TACC1: variants seen among roughly 807,000 people sequenced by gnomAD.
The protein encoded by TACC1 is transforming acidic coiled-coil containing protein 1, also known as transforming acidic coiled-coil-containing protein 1.
In TACC1, 48 loss-of-function variants were observed where a neutral mutation model predicts 84.4. The ratio of observed to expected loss-of-function variants is 0.57; its 90% CI spans 0.45 to 0.72. The LOEUF is 0.72. Ranked by LOEUF, TACC1 falls within the 30% of genes least tolerant of loss-of-function variation. The probability of loss-of-function intolerance (pLI) is 0.00; values close to 1 mark genes in which losing one functional copy is unlikely to be tolerated. For synonymous variants in TACC1, 372 were observed against 376.3 expected (o/e 0.99, Z 0.13); for missense variants, 920 against 973.0 (o/e 0.95, Z 0.72).
chr8:38,748,893 AAG>A (rs149145612), intron 3 of TACC1, among the ~76,000 whole-genome samples: 1,745 of 152,236 alleles, frequency 0.011, 31 homozygotes, highest in African/African-American at 0.04. Flanking sequence ...ATAGAAAAAA[AAG>A]AGTAAATTGA....
upstream of TACC1, among the ~76,000 whole-genome samples, chr8:38,783,646 C>T (rs951565007): frequency 6.6e-6 from 1 of 152,158 alleles, no homozygotes; most frequent in Non-Finnish European, 1.5e-5. Context: ...GTCTCATACT[C>T]CTGACCTTAA....
In TACC1 at chr8:38,852,845, A is replaced by T. The variant is rs1375440936; in HGVS notation, c.*4822A>T. 1 of 152,666 alleles carries T rather than the reference A, an allele frequency of 6.6e-6. No homozygotes were observed. Among genetic ancestry groups the T allele is most frequent in the Non-Finnish European group, 1.5e-5 (1 of 68,048 alleles). The allele number at this position is 152,666 out of a possible 1,614,324, so 9.5% of individuals were successfully genotyped here. A position where few individuals can be genotyped will look rare whatever the true frequency, so the allele number is the denominator to read the frequency against. ...ATCTGGAGGGATGAGTGCTGCGTTG[A>T]CTACTGCTATCAGGATTGTGTTGTG... On this transcript the variant is annotated 3_prime_UTR_variant, in exon 13 of 13. Coordinates refer to ENST00000317827, the MANE Select transcript of TACC1 (RefSeq NM_006283.3).
rs756400488 is a variant in TACC1, at chr8:38,820,459, C to T, written c.1215C>T (p.Asn405=). 6.2e-7 allele frequency: 1 copy of T among 1,614,210 alleles called. No individual in the cohort carries two copies. The highest frequency in any genetic ancestry group is 1.7e-5 in the Admixed American group (1 of 60,026). The part of the protein sequence containing the change: ...NPFGSHSVLQ[N]SPPLSSEGSY... ...TTGGGAGCCACTCTGTTCTGCAGAA[C>T]TCCCCACCCCTCTCTTCTGAGGGCT... The change falls in exon 3 of 13, where the codon AAC becomes AAT. Residue 405 remains asparagine, a synonymous_variant. Transcript: ENST00000317827.
At chr8:38,758,642 G>A (rs893244017) in intron 3 of TACC1, among the ~76,000 whole-genome samples, 2 of 127,474 alleles carry the variant, frequency 1.6e-5, no homozygotes, top group Non-Finnish European at 3.1e-5. Flanking sequence ...TCGGGCCACT[G>A]CACTCCAGCC....
At chr8:38,844,626 A>T (rs1480504576) in intron 11 of TACC1, among the ~76,000 whole-genome samples, 1 of 152,110 alleles carries the variant, frequency 6.6e-6, no homozygotes, top group African/African-American at 2.4e-5. Context: ...TATAGATTTT[A>T]TATATTAGGG....
intron 6 of TACC1, 101 bp downstream of exon 6, chr8:38,831,278 T>A: frequency 8.4e-7 from 1 of 1,192,234 alleles, no homozygotes; most frequent in South Asian, 1.3e-5. Context: ...TGTTAGGTGA[T>A]GAGGATAAAA....
At chr8:38,753,092 T>C (rs2099077046) in intron 3 of TACC1, among the ~76,000 whole-genome samples, 1 of 152,072 alleles carries the variant, frequency 6.6e-6, no homozygotes, top group South Asian at 2.1e-4. Flanking sequence ...GCTGAAGTGT[T>C]GTGTTTTGTT....
intron 3 of TACC1, among the ~76,000 whole-genome samples, chr8:38,770,113 C>A (rs1813277748): frequency 6.6e-6 from 1 of 151,818 alleles, no homozygotes; most frequent in Non-Finnish European, 1.5e-5. Context: ...CCTGCGCTGC[C>A]GGCTCTGGCT....
chr8:38,791,678 A>ATAGTCT (rs998600095), intron 2 of TACC1, among the ~76,000 whole-genome samples: 6 of 152,218 alleles, frequency 3.9e-5, no homozygotes, highest in African/African-American at 1.2e-4. Flanking sequence ...CCTGGTAAAG[A>ATAGTCT]TAGTCTTTCA....
intron 3 of TACC1, among the ~76,000 whole-genome samples, chr8:38,762,675 G>A (rs1255864059): frequency 6.6e-6 from 1 of 151,900 alleles, no homozygotes; most frequent in East Asian, 1.9e-4. Flanking sequence ...TTCTGCCTCA[G>A]CCTCCCTAGT....
intron 2 of TACC1, among the ~76,000 whole-genome samples, chr8:38,817,997 C>T (rs544677422): frequency 6.7e-6 from 1 of 148,530 alleles, no homozygotes; most frequent in African/African-American, 2.5e-5. Flanking sequence ...TTTGGGAGAC[C>T]AAGGCAGGCA....
rs1471278510 is a variant in TACC1 at position 38,764,425 on chromosome 8, G to GT, written c.26+18933dup. Among the ~76,000 whole-genome samples the GT allele has an allele frequency of 4.3e-5, 5 of 117,032 alleles. No individual in the cohort carries two copies. The East Asian group carries it at 1.0e-3, about 23-fold the overall frequency. The allele number at this position is 117,032 out of a possible 152,430, so 76.8% of individuals were successfully genotyped here. A position where few individuals can be genotyped will look rare whatever the true frequency, so the allele number is the denominator to read the frequency against. ...GGCACTATCATTTTAAATCAATTTG[G>GT]TAAAAAAAAAAAAAAAAAAAGCAAT... On this transcript the variant is annotated intron_variant, in intron 3 of 14. Transcript: ENST00000518415.
intron 3 of TACC1, among the ~76,000 whole-genome samples, chr8:38,756,804 T>A (rs182360778): frequency 3.5e-3 from 537 of 152,342 alleles, no homozygotes; most frequent in Non-Finnish European, 6.0e-3. Context: ...AGAAGCGGTT[T>A]AGGGGAAAGA....
intron 1 of TACC1, 25 bp downstream of exon 1, chr8:38,787,768 G>A (rs1288300073): frequency 6.7e-7 from 1 of 1,496,162 alleles, no homozygotes. Flanking sequence ...TCCCCGCTGA[G>A]ATGCAGACGC....
intron 3 of TACC1, among the ~76,000 whole-genome samples, chr8:38,749,208 A>G (rs775065027): frequency 7.2e-5 from 11 of 152,228 alleles, no homozygotes; most frequent in Non-Finnish European, 1.5e-4. Flanking sequence ...TACATAAATT[A>G]TAAATCTAAT....
chr8:38,824,053 C>T (rs1245924990), intron 3 of TACC1: 3 of 1,350,866 alleles, frequency 2.2e-6, no homozygotes, highest in Non-Finnish European at 2.9e-6. Context: ...TTCTTTAGTC[C>T]CTGGGACCGT....
At chr8:38,755,584 G>A (rs1158913539) in intron 3 of TACC1, among the ~76,000 whole-genome samples, 1 of 151,786 alleles carries the variant, frequency 6.6e-6, no homozygotes, top group East Asian at 1.9e-4. Context: ...TTCACCTGTG[G>A]TCCCAGCTGC....
intron 3 of TACC1, among the ~76,000 whole-genome samples, chr8:38,823,371 T>C (rs775262694): frequency 1.3e-5 from 2 of 152,220 alleles, no homozygotes; most frequent in Non-Finnish European, 2.9e-5. Context: ...ACTTAGGGTA[T>C]GTACTGGGCA....
intron 2 of TACC1, among the ~76,000 whole-genome samples, chr8:38,796,643 C>T (rs1020431631): frequency 3.3e-5 from 5 of 152,192 alleles, no homozygotes; most frequent in African/African-American, 1.2e-4. Flanking sequence ...GGATTGAAAA[C>T]ATTTTGCTTC....
Sources: allele counts gnomAD v4.1 joint callset (sites outside exome capture counted in the v4.1 genomes callset), GRCh38; gene constraint gnomAD v4.1.1; transcripts MANE v1.5; gene names NCBI Gene and HGNC (gene_info 2026-07-23, HGNC 2026-07-21).